SHANK2: variants seen among roughly 807,000 people sequenced by gnomAD.
SHANK2 encodes SH3 and multiple ankyrin repeat domains 2, also known as SH3 and multiple ankyrin repeat domains protein 2.
SHANK2 carries 43 observed loss-of-function variants against 133.7 expected under a neutral mutation model. The observed-to-expected ratio is 0.32, with a 90% confidence interval of 0.25 to 0.41. SHANK2 has a LOEUF of 0.41. SHANK2 is among the 10% of genes least tolerant of loss of function. The pLI is 1.00. For synonymous variants in SHANK2, 1,017 were observed against 952.8 expected (o/e 1.07, Z -1.24); for missense variants, 1,994 against 2,235.8 (o/e 0.89, Z 2.18).
intron 11 of SHANK2, among the ~76,000 whole-genome samples, chr11:70,853,332 G>T (rs1949118457): frequency 6.6e-6 from 1 of 152,240 alleles, no homozygotes; most frequent in Admixed American, 6.5e-5. Flanking sequence ...TCCTGGGAGA[G>T]TCCAAGTGCG....
intron 10 of SHANK2, among the ~76,000 whole-genome samples, chr11:70,939,016 G>A (rs1217088152): frequency 6.6e-6 from 1 of 152,110 alleles, no homozygotes; most frequent in African/African-American, 2.4e-5. Context: ...GGAACTATGG[G>A]TGGCAGCAGG....
intron 17 of SHANK2, among the ~76,000 whole-genome samples, chr11:70,583,467 A>G (rs1054008329): frequency 6.6e-6 from 1 of 152,218 alleles, no homozygotes; most frequent in Non-Finnish European, 1.5e-5. Flanking sequence ...CAGCACAGCA[A>G]GTGCTCGGTG....
intron 10 of SHANK2, among the ~76,000 whole-genome samples, chr11:70,916,494 T>C (rs1260422747): frequency 6.6e-6 from 1 of 152,206 alleles, no homozygotes; most frequent in African/African-American, 2.4e-5. Context: ...CTCATGTGTA[T>C]GTGTGTGCGT....
intron 17 of SHANK2, among the ~76,000 whole-genome samples, chr11:70,555,259 A>G (rs1366929163): frequency 1.3e-5 from 2 of 152,206 alleles, no homozygotes; most frequent in Non-Finnish European, 2.9e-5. Flanking sequence ...GCCAGTTAAG[A>G]ACTCTACAAT....
chr11:71,082,444 A>G (rs1393790279), intron 8 of SHANK2, among the ~76,000 whole-genome samples: 1 of 152,162 alleles, frequency 6.6e-6, no homozygotes, highest in Non-Finnish European at 1.5e-5. Context: ...GAAAAACCTC[A>G]ATCTGAAGGA....
intron 10 of SHANK2, among the ~76,000 whole-genome samples, chr11:70,908,366 C>G (rs1950139344): frequency 6.6e-6 from 1 of 152,190 alleles, no homozygotes; most frequent in African/African-American, 2.4e-5. Flanking sequence ...CCCAGCAGAC[C>G]AGGCTGGCTT....
At chr11:70,496,314 G>T (rs2058970026) in intron 21 of SHANK2, among the ~76,000 whole-genome samples, 1 of 152,182 alleles carries the variant, frequency 6.6e-6, no homozygotes, top group African/African-American at 2.4e-5. Flanking sequence ...TGTTTTTTAT[G>T]TATTAACAAA....
At chr11:70,502,743 C>CA (rs1165986040) in intron 18 of SHANK2, 53 bp downstream of exon 18, 19 of 665,288 alleles carry the variant, frequency 2.9e-5, no homozygotes, top group South Asian at 1.9e-4. Flanking sequence ...CCGCCCCCAC[C>CA]CCCCCCCCCC....
chr11:70,657,950 C>T (rs903605944), intron 17 of SHANK2, among the ~76,000 whole-genome samples: 1 of 152,182 alleles, frequency 6.6e-6, no homozygotes, highest in Non-Finnish European at 1.5e-5. Context: ...AGGCTCCGCT[C>T]ACTGGGCAAG....
intron 3 of SHANK2, among the ~76,000 whole-genome samples, chr11:71,133,895 A>C (rs1290815326): frequency 1.3e-5 from 2 of 151,408 alleles, no homozygotes; most frequent in Non-Finnish European, 2.9e-5. Context: ...AACATCTGAA[A>C]CTGAAAGGGC....
chr11:71,238,594 G>A (rs976003744), intron 1 of SHANK2, among the ~76,000 whole-genome samples: 6 of 152,160 alleles, frequency 3.9e-5, no homozygotes, highest in African/African-American at 4.8e-5. Flanking sequence ...AGGTAAGAGC[G>A]GAGAGGCCAG....
intron 1 of SHANK2, among the ~76,000 whole-genome samples, chr11:71,235,978 G>A (rs1550538): frequency 0.39 from 59,528 of 152,102 alleles, 14,936 homozygotes; most frequent in Non-Finnish European, 0.57. Context: ...AGAAAACTGA[G>A]GCCAGACCAG....
intron 10 of SHANK2, among the ~76,000 whole-genome samples, chr11:70,944,166 C>G (rs1187953718): frequency 1.3e-5 from 2 of 152,248 alleles, no homozygotes; most frequent in Non-Finnish European, 2.9e-5. Context: ...ACGAATTTAT[C>G]ACCAAGTTCT....
intron 14 of SHANK2, among the ~76,000 whole-genome samples, chr11:70,743,684 G>GC (rs1946580009): frequency 6.6e-6 from 1 of 152,126 alleles, no homozygotes; most frequent in South Asian, 2.1e-4. Flanking sequence ...GGCCGGGAGA[G>GC]CCCCCACGGG....
intron 15 of SHANK2, among the ~76,000 whole-genome samples, chr11:70,690,126 G>C (rs1334894869): frequency 6.6e-6 from 1 of 152,174 alleles, no homozygotes; most frequent in Admixed American, 6.5e-5. Context: ...GATGATCGTC[G>C]TGTACTGAGA....
chr11:70,639,958 G>C (rs935801869), intron 17 of SHANK2, among the ~76,000 whole-genome samples: 4 of 152,216 alleles, frequency 2.6e-5, no homozygotes, highest in Admixed American at 6.5e-5. Flanking sequence ...GAGGGGGCAG[G>C]TCTTCAGGCC....
At chr11:70,597,977 C>T (rs1414244468) in intron 17 of SHANK2, among the ~76,000 whole-genome samples, 2 of 152,210 alleles carry the variant, frequency 1.3e-5, no homozygotes, top group African/African-American at 4.8e-5. Context: ...CACCCCTGCA[C>T]CAACCAAGTC....
At chr11:71,186,954 T>TTGCCGA (rs1953686720) in intron 2 of SHANK2, among the ~76,000 whole-genome samples, 1 of 152,218 alleles carries the variant, frequency 6.6e-6, no homozygotes, top group South Asian at 2.1e-4. Flanking sequence ...GTCTGTGCAA[T>TTGCCGA]TGCCGATTCC....
intron 14 of SHANK2, among the ~76,000 whole-genome samples, chr11:70,781,701 A>G (rs1460955251): frequency 6.7e-6 from 1 of 148,334 alleles, no homozygotes; most frequent in Non-Finnish European, 1.5e-5. Flanking sequence ...CGTCATTTAC[A>G]TTAGGTATAT....
Sources: allele counts gnomAD v4.1 joint callset (sites outside exome capture counted in the v4.1 genomes callset), GRCh38; gene constraint gnomAD v4.1.1; transcripts MANE v1.5; gene names NCBI Gene and HGNC (gene_info 2026-07-23, HGNC 2026-07-21).